HOMER1: variants seen among roughly 807,000 people sequenced by gnomAD.
The protein encoded by HOMER1 is homer scaffold protein 1, also known as homer protein homolog 1.
A neutral mutation model predicts 48.9 loss-of-function variants in HOMER1; 3 were observed. The observed-to-expected ratio is 0.06, with a 90% CI of 0.03 to 0.16. The LOEUF (loss-of-function observed/expected upper bound fraction) is 0.16. Ranked by LOEUF, HOMER1 falls within the 10% of genes least tolerant of loss-of-function variation. HOMER1 has a pLI of 1.00. For missense variants in HOMER1, 247 were observed against 411.4 expected (o/e 0.60, Z 3.46); for synonymous variants, 134 against 146.4 (o/e 0.92, Z 0.61).
chr5:79,490,649 T>TTGTTGAGCATAGTGGCTCATGTC, intron 1 of HOMER1, among the ~76,000 whole-genome samples: 1 of 151,930 alleles, frequency 6.6e-6, no homozygotes, highest in Non-Finnish European at 1.5e-5. Context: ...ATAGACAAGC[T>TTGTTGAGCATAGTGGCTCATGTC]TGTTGAGCAT....
intron 1 of HOMER1, among the ~76,000 whole-genome samples, chr5:79,472,899 A>C (rs1476016146): frequency 6.6e-6 from 1 of 152,236 alleles, no homozygotes. Context: ...AATCAGCCAC[A>C]AACTTCCAAC....
intron 1 of HOMER1, among the ~76,000 whole-genome samples, chr5:79,463,213 C>T (rs1194448481): frequency 6.6e-6 from 1 of 152,140 alleles, no homozygotes; most frequent in Non-Finnish European, 1.5e-5. Context: ...CTGTGAGCTT[C>T]GCTAAGGATA....
intron 1 of HOMER1, among the ~76,000 whole-genome samples, chr5:79,505,627 G>A (rs1051341472): frequency 1.1e-4 from 16 of 152,092 alleles, no homozygotes; most frequent in African/African-American, 3.6e-4. Context: ...TAAGATGTTC[G>A]TAAAGCCAAG....
At chr5:79,502,021 A>T (rs1243933671) in intron 1 of HOMER1, among the ~76,000 whole-genome samples, 4 of 130,056 alleles carry the variant, frequency 3.1e-5, no homozygotes, top group Non-Finnish European at 6.3e-5. Context: ...GGTCCTGATA[A>T]TTTTTTTTTT....
At chr5:79,491,438 CAAAA>C (rs56778843) in intron 1 of HOMER1, among the ~76,000 whole-genome samples, 12 of 57,706 alleles carry the variant, frequency 2.1e-4, no homozygotes, top group South Asian at 9.3e-4. Flanking sequence ...GACCTTGTCT[CAAAA>C]AAAAAAAAAA....
intron 1 of HOMER1, among the ~76,000 whole-genome samples, chr5:79,477,792 A>G (rs2112336124): frequency 6.6e-6 from 1 of 152,342 alleles, no homozygotes; most frequent in African/African-American, 2.4e-5. Flanking sequence ...GATAGAAAAC[A>G]GGTCCATGAT....
At position 79,439,195 on chromosome 5, in the gene HOMER1, A is replaced by G. The variant is rs750125670; in HGVS notation, c.388-46T>C. 15 of 1,595,802 alleles carry G rather than the reference A, an allele frequency of 9.4e-6. No homozygotes were observed. The East Asian group carries it at 2.9e-4, about 31-fold the overall frequency. ...GATAAAAAATAGTTACACTTTTGTT[A>G]AAGTACACAATATCATCTTGAGGTT... On this transcript the variant is annotated intron_variant, in intron 4 of 8. Coordinates refer to ENST00000334082, the MANE Select transcript of HOMER1 (RefSeq NM_004272.5).
At chr5:79,400,271 G>C (rs1336666686) in intron 6 of HOMER1, among the ~76,000 whole-genome samples, 1 of 151,214 alleles carries the variant, frequency 6.6e-6, no homozygotes, top group African/African-American at 2.4e-5. Flanking sequence ...CCTCTCTTAA[G>C]TTAATTTTTA....
chr5:79,410,107 T>C (rs539421324), intron 5 of HOMER1, among the ~76,000 whole-genome samples: 124 of 152,256 alleles, frequency 8.1e-4, no homozygotes, highest in African/African-American at 2.7e-3. Context: ...TAATAAAACA[T>C]AGGTATTATA....
At chr5:79,438,979 C>G (rs1196895660) in intron 5 of HOMER1, 31 bp downstream of exon 5, 2 of 1,567,422 alleles carry the variant, frequency 1.3e-6, no homozygotes, top group South Asian at 2.2e-5. Flanking sequence ...TACACATTTA[C>G]TTAATCATAA....
chr5:79,411,490 T>G (rs1580432348), intron 5 of HOMER1, among the ~76,000 whole-genome samples: 1 of 149,858 alleles, frequency 6.7e-6, no homozygotes, highest in Non-Finnish European at 1.5e-5. Context: ...GACTCAAAAA[T>G]AAAATAAAAA....
At chr5:79,468,900 G>C (rs571978758) in intron 1 of HOMER1, among the ~76,000 whole-genome samples, 5 of 152,320 alleles carry the variant, frequency 3.3e-5, no homozygotes, top group East Asian at 1.9e-4. Flanking sequence ...GCATATGCCT[G>C]ATCACTAGAG....
intron 4 of HOMER1, among the ~76,000 whole-genome samples, chr5:79,445,648 T>C (rs568094572): frequency 6.6e-6 from 1 of 152,340 alleles, no homozygotes; most frequent in East Asian, 1.9e-4. Flanking sequence ...AGGCTGGGGC[T>C]GTGGCTAACG....
At chr5:79,500,953 G>GTGTGTGTGAC (rs1491130611) in intron 1 of HOMER1, among the ~76,000 whole-genome samples, 21 of 113,816 alleles carry the variant, frequency 1.8e-4, no homozygotes, top group African/African-American at 7.3e-4. Context: ...GTGTGTGTGT[G>GTGTGTGTGAC]AGACAGACAG....
intron 4 of HOMER1, among the ~76,000 whole-genome samples, chr5:79,444,342 TATAG>T (rs1319541725): frequency 6.6e-6 from 1 of 152,208 alleles, no homozygotes; most frequent in Non-Finnish European, 1.5e-5. Context: ...TAGCTGGGAC[TATAG>T]GTGCATACCA....
chr5:79,453,355 G>C (rs377094057), intron 2 of HOMER1, among the ~76,000 whole-genome samples: 1 of 152,260 alleles, frequency 6.6e-6, no homozygotes, highest in South Asian at 2.1e-4. Context: ...ACTGACCAAC[G>C]TGCTGGTAGT....
chr5:79,382,861 T>C (rs536260943), intron 8 of HOMER1, among the ~76,000 whole-genome samples: 1 of 152,310 alleles, frequency 6.6e-6, no homozygotes, highest in Admixed American at 6.5e-5. Flanking sequence ...ATTAGCAATG[T>C]GACAGAACAA....
intron 8 of HOMER1, among the ~76,000 whole-genome samples, chr5:79,380,926 C>T (rs764291638): frequency 9.9e-5 from 15 of 151,990 alleles, no homozygotes; most frequent in Non-Finnish European, 1.5e-4. Flanking sequence ...GCACGGGACA[C>T]AGAGGATTGT....
At chr5:79,455,884 C>T (rs28676420) in intron 2 of HOMER1, among the ~76,000 whole-genome samples, 40,939 of 152,024 alleles carry the variant, frequency 0.27, 5,628 homozygotes, top group South Asian at 0.37. Context: ...CGTCCCAGCG[C>T]GGTAGCTCAT....
Sources: gnomAD v4.1 joint callset for allele counts (sites outside exome capture counted in the v4.1 genomes callset) on GRCh38, gnomAD v4.1.1 for gene constraint, MANE v1.5 for transcripts, NCBI Gene and HGNC (gene_info 2026-07-23, HGNC 2026-07-21) for gene names.